ANKLE1: variants seen among roughly 807,000 people sequenced by gnomAD.
ANKLE1 encodes structure-specific endonuclease ANKLE1.
ANKLE1 carries 59 observed loss-of-function variants against 56.2 expected under a neutral mutation model. The observed-to-expected ratio is 1.05, with a 90% CI of 0.85 to 1.30. The LOEUF (loss-of-function observed/expected upper bound fraction) is 1.30. Among genes scored for constraint, ANKLE1 ranks in the 50% most tolerant of loss-of-function variants. The pLI, the probability that ANKLE1 is intolerant of heterozygous loss-of-function variation, is 0.00. For synonymous variants in ANKLE1, 341 were observed against 352.9 expected (o/e 0.97, Z 0.38); for missense variants, 771 against 816.1 (o/e 0.94, Z 0.67).
At position 17,282,733 on chromosome 19, in the gene ANKLE1, A is replaced by T. The variant is rs1305347056; in HGVS notation, c.293A>T (p.Gln98Leu). 6 of 1,541,820 alleles carry T rather than the reference A, an allele frequency of 3.9e-6. No individual in the cohort carries two copies. Among genetic ancestry groups the T allele is most frequent in the Non-Finnish European group, 4.3e-6 (5 of 1,150,282 alleles). ...CGCGGCCTGGAGCTGCTGCTGAGCC[A>T]AGGAGCGGACCCGGCGCTGCGCGAC... is the stretch of plus-strand genomic sequence containing the variant. ...CRRGLELLLSQGADPALRDQD... is the reference protein window; with the variant it reads ...CRRGLELLLSLGADPALRDQD... Residue 98 changes from glutamine to leucine, a missense_variant, in exon 3 of 9, where the codon CAA becomes CTA. Coordinates refer to ENST00000404085, the MANE Select transcript of ANKLE1 (RefSeq NM_152363.6).
intron 6 of ANKLE1, among the ~76,000 whole-genome samples, chr19:17,285,136 G>A (rs2074017197): frequency 6.6e-6 from 1 of 151,988 alleles, no homozygotes; most frequent in South Asian, 2.1e-4. Flanking sequence ...GTGCATGCCT[G>A]TAATCCCAGC....
In ANKLE1 at chr19:17,286,768, G is replaced by A. The variant is rs1449119431; in HGVS notation, c.*216G>A. 11 of 1,421,982 alleles carry A rather than the reference G, an allele frequency of 7.7e-6. No individual in the cohort carries two copies. In the African/African-American group the frequency reaches 1.1e-4, roughly 15 times the overall value. The allele number at this position is 1,421,982 out of a possible 1,614,324, so 88.1% of individuals were successfully genotyped here. A position where few individuals can be genotyped will look rare whatever the true frequency, so the allele number is the denominator to read the frequency against. On this transcript the variant is annotated 3_prime_UTR_variant, in exon 9 of 9. Coordinates refer to ENST00000404085, the MANE Select transcript of ANKLE1 (RefSeq NM_152363.6). The stretch of plus-strand genomic sequence containing the variant: ...CTGAGAGAGGACTTTGTTACAGATG[G>A]TACTGCTGGAGAGGTAGTAAGTAGT...
chr19:17,286,451 C>A lies in ANKLE1; in HGVS notation c.1747C>A (p.Arg583Ser). The A allele has an allele frequency of 6.2e-7, 1 of 1,611,808 alleles. No individual in the cohort carries two copies. ...GVVAGWPPARRRRLGVHLLHR... is the reference protein window; with the variant it reads ...GVVAGWPPARSRRLGVHLLHR... Reference sequence around the variant, plus strand: ...GGTGGCAGGCTGGCCACCTGCTCGTCGCCGGCGCTTGGGGGTGCACCTGCT... The same window carrying A: ...GGTGGCAGGCTGGCCACCTGCTCGTAGCCGGCGCTTGGGGGTGCACCTGCT... Residue 583 changes from arginine to serine, a missense_variant, in exon 9 of 9, where the codon CGC becomes AGC. Transcript: ENST00000404085.
In ANKLE1 at chr19:17,284,684, CTT is replaced by C. The variant is rs67967763; in HGVS notation, c.1376+436_1376+437del. ...CAGGTGTGAGCCACCGCACCGGCCT[CTT>C]TTTTTTTTTTTTTTTTTGAGGCGGA... On this transcript the variant is annotated intron_variant, in intron 6 of 8. Coordinates refer to ENST00000404085, the MANE Select transcript of ANKLE1 (RefSeq NM_152363.6). 3.7e-3 allele frequency among the ~76,000 whole-genome samples: 341 copies of C among 91,918 alleles called. 4 individuals carry two copies. Among genetic ancestry groups the C allele is most frequent in the Middle Eastern group, 8.6e-3 (1 of 116 alleles). 60.3% of individuals were successfully genotyped at this position (91,918 alleles called of 152,430 possible). A position where few individuals can be genotyped will look rare whatever the true frequency, so the allele number is the denominator to read the frequency against.
rs2074025906 is a variant in ANKLE1, at chr19:17,285,827, C to G, written c.1675+8C>G. The G allele has an allele frequency of 3.7e-6, 6 of 1,613,066 alleles. No individual in the cohort carries two copies. The highest frequency in any genetic ancestry group is 5.1e-6 in the Non-Finnish European group (6 of 1,179,762). On this transcript the variant is annotated splice_region_variant and intron_variant, in intron 8 of 8. Coordinates refer to ENST00000404085, the MANE Select transcript of ANKLE1 (RefSeq NM_152363.6). ...GTATTGTGGAAGCCCTAGGTGGGTG[C>G]CTGGTACCTAGAATGGGGGTCATAT...
Position 17,283,809 on chromosome 19 carries a change from C to A in ANKLE1, c.1045C>A (p.Pro349Thr), listed in dbSNP as rs1452210443. 1.9e-6 allele frequency: 3 copies of A among 1,613,414 alleles called. No homozygotes were observed. Among genetic ancestry groups the A allele is most frequent in the Non-Finnish European group, 2.5e-6 (3 of 1,179,904 alleles). ...DEASSTGGRE[P>T]VGPCRHLPVS... ...GGCAAGCTCTACAGGTGGCAGGGAA[C>A]CTGTCGGCCCTTGCCGGCACCTGCC... The change falls in exon 5 of 9, where the codon CCT (proline) becomes ACT (threonine). Residue 349 changes from proline to threonine, a missense_variant. Physicochemically the swap from Pro to Thr is conservative, Grantham distance 38 (BLOSUM62 -1). Transcript: ENST00000404085.
chr19:17,285,547 A>C lies in ANKLE1; in HGVS notation c.1493A>C (p.His498Pro), dbSNP rs1169241100. Reference sequence around the variant, plus strand: ...GGGACGAGGGCCCGGCCATATGTCCACCTCTGGGAGGCCCTTGGTCACCAT... The same window carrying C: ...GGGACGAGGGCCCGGCCATATGTCCCCCTCTGGGAGGCCCTTGGTCACCAT... ...GKGTRARPYV[H>P]LWEALGHHGR... is the part of the protein sequence containing the mutation. Residue 498 changes from histidine (H) to proline (P), a missense_variant, in exon 7 of 9, where the codon CAC becomes CCC. Physicochemically the swap from His to Pro is moderately conservative, Grantham distance 77. Transcript: ENST00000404085. The C allele has an allele frequency of 3.1e-6, 5 of 1,613,864 alleles. No individual in the cohort carries two copies. Among genetic ancestry groups the C allele is most frequent in the Non-Finnish European group, 4.2e-6 (5 of 1,179,866 alleles).
intron 1 of ANKLE1, 21 bp downstream of exon 1, chr19:17,282,003 G>A (rs1362945628): frequency 3.9e-6 from 6 of 1,534,790 alleles, no homozygotes; most frequent in Non-Finnish European, 5.2e-6. Context: ...GGCCGGGGGC[G>A]GGCCAGGAGT....
At chr19:17,284,877 T>C (rs533416052) in intron 6 of ANKLE1, among the ~76,000 whole-genome samples, 7 of 147,974 alleles carry the variant, frequency 4.7e-5, no homozygotes, top group East Asian at 2.1e-4. Flanking sequence ...TTAGTAGATA[T>C]GGAGTTTCAC....
At chr19:17,284,626 C>T (rs2074012428) in intron 6 of ANKLE1, among the ~76,000 whole-genome samples, 1 of 151,532 alleles carries the variant, frequency 6.6e-6, no homozygotes, top group Non-Finnish European at 1.5e-5. Context: ...TCAGGTAATC[C>T]ACCCACCCTG....
Position 17,283,719 on chromosome 19 carries a change from T to G in ANKLE1, c.955T>G (p.Cys319Gly), listed in dbSNP as rs1285329973. The change falls in exon 5 of 9, where the codon TGC (cysteine) becomes GGC (glycine). Residue 319 changes from cysteine (C) to glycine (G), a missense_variant. Cys to Gly is a radical substitution (Grantham distance 159, BLOSUM62 -3). Transcript: ENST00000404085. The part of the protein sequence containing the change: ...TPTPGASDCH[C>G]LWEHQTSIDS... ...AACCCCTGGAGCTTCTGACTGCCAC[T>G]GCCTGTGGGAGCACCAGACATCCAT... 26 of 1,613,506 alleles carry G rather than the reference T, an allele frequency of 1.6e-5. No homozygotes were observed. The highest frequency in any genetic ancestry group is 2.1e-5 in the Non-Finnish European group (25 of 1,179,874).
chr19:17,285,356 T>C, intron 6 of ANKLE1, 75 bp from the exon 7 acceptor site: 4 of 1,570,198 alleles, frequency 2.5e-6, no homozygotes, highest in Non-Finnish European at 2.6e-6. Context: ...GTTCAAGATA[T>C]GTTGTGACTT....
rs2074033158 is a variant in ANKLE1, at chr19:17,286,548, G to A, written c.1844G>A (p.Gly615Asp). 3 of 1,603,216 alleles carry A rather than the reference G, an allele frequency of 1.9e-6. No individual in the cohort carries two copies. The highest frequency in any genetic ancestry group is 2.6e-6 in the Non-Finnish European group (3 of 1,175,594). ...CATCCCCAGGACATCCAGGCCCGGG[G>A]CTGAGTGCTGGGGAGTTGGCCATCC... ...QLHPQDIQAR[G>D] Residue 615 changes from glycine to aspartate, a missense_variant, in exon 9 of 9, where the codon GGC becomes GAC. Physicochemically the swap from Gly to Asp is moderately conservative, Grantham distance 94. Coordinates refer to ENST00000404085, the MANE Select transcript of ANKLE1 (RefSeq NM_152363.6).
Position 17,286,864 on chromosome 19 carries a change from A to AC in ANKLE1, c.*312_*313insC. 2 of 1,140,488 alleles carry AC rather than the reference A, an allele frequency of 1.8e-6. No homozygotes were observed. Among genetic ancestry groups the AC allele is most frequent in the Non-Finnish European group, 2.2e-6 (2 of 915,954 alleles). The allele number at this position is 1,140,488 out of a possible 1,614,324, so 70.6% of individuals were successfully genotyped here. A position where few individuals can be genotyped will look rare whatever the true frequency, so the allele number is the denominator to read the frequency against. On this transcript the variant is annotated 3_prime_UTR_variant, in exon 9 of 9. Coordinates refer to ENST00000404085, the MANE Select transcript of ANKLE1 (RefSeq NM_152363.6). ...CTTTGGAACAGTCCGGTGCTTCTGT[A>AC]AGAGGCGTTTGAACCTGGGCAACTC... is the stretch of plus-strand genomic sequence containing the variant.
At chr19:17,283,991 A>G (rs776358412) in intron 5 of ANKLE1, 29 bp downstream of exon 5, 2 of 1,593,314 alleles carry the variant, frequency 1.3e-6, no homozygotes. Context: ...CATGGAGTCC[A>G]GGGAGCCTCC....
chr19:17,282,882 G>T lies in ANKLE1; in HGVS notation c.340G>T (p.Asp114Tyr). ...CCTGTAGGACGGACTCCGGCCGCTG[G>T]ACCTGGCCCTGCAGCAGGGACACCT... ...LRDQDGLRPL[D>Y]LALQQGHLEC... The change falls in exon 4 of 9, where the codon GAC (aspartate) becomes TAC (tyrosine). Residue 114 changes from aspartate to tyrosine, a missense_variant. Physicochemically the swap from Asp to Tyr is radical, Grantham distance 160. Transcript: ENST00000404085. 6.3e-7 allele frequency: 1 copy of T among 1,581,776 alleles called. No homozygotes were observed. Among genetic ancestry groups the T allele is most frequent in the Non-Finnish European group, 8.5e-7 (1 of 1,170,110 alleles).
intron 8 of ANKLE1, 114 bp from the exon 9 acceptor site, chr19:17,286,266 T>C (rs2074029311): frequency 7.4e-7 from 1 of 1,360,232 alleles, no homozygotes; most frequent in Admixed American, 2.7e-5. Context: ...CTACCCAAAG[T>C]GTTGGGATTA....
chr19:17,286,683 TGTG>T lies in ANKLE1; in HGVS notation c.*132_*134del. 1 of 879,330 alleles carries T rather than the reference TGTG, an allele frequency of 1.1e-6. No individual in the cohort carries two copies. Among genetic ancestry groups the T allele is most frequent in the Non-Finnish European group, 1.6e-6 (1 of 641,282 alleles). The allele number at this position is 879,330 out of a possible 1,614,324, so 54.5% of individuals were successfully genotyped here. On this transcript the variant is annotated 3_prime_UTR_variant, in exon 9 of 9. Coordinates refer to ENST00000404085, the MANE Select transcript of ANKLE1 (RefSeq NM_152363.6). Reference sequence around the variant, plus strand: ...GTGTGTGTGTGTGTGTGTGTGTGTGTGTGTGTGTTTGTGTGTGTGTGTGTGTGT... The same window carrying T: ...GTGTGTGTGTGTGTGTGTGTGTGTGTTGTGTTTGTGTGTGTGTGTGTGTGT...
At position 17,286,389 on chromosome 19, in the gene ANKLE1, C is replaced by T. The variant is rs200093558; in HGVS notation, c.1685C>T (p.Thr562Met). ...CATCCAATTTCTCCAGGGATCCAGA[C>T]GCTCACCAACCAGAAGCAAGGGCAC... Reference protein sequence around the residue: ...ACIVEALGIQTLTNQKQGHCY... With the variant: ...ACIVEALGIQMLTNQKQGHCY... The change falls in exon 9 of 9, where the codon ACG (threonine) becomes ATG (methionine). Residue 562 changes from threonine (T) to methionine (M), a missense_variant. By Grantham distance (81) the Thr-to-Met change is moderately conservative. Transcript: ENST00000404085. The T allele has an allele frequency of 1.3e-4, 196 of 1,567,226 alleles. No individual in the cohort carries two copies. Among genetic ancestry groups the T allele is most frequent in the Non-Finnish European group, 1.6e-4 (182 of 1,151,918 alleles).
Sources: allele counts gnomAD v4.1 joint callset (sites outside exome capture counted in the v4.1 genomes callset), GRCh38; gene constraint gnomAD v4.1.1; transcripts MANE v1.5; gene names NCBI Gene and HGNC (gene_info 2026-07-23, HGNC 2026-07-21).